The following GPR158 variants were observed in gnomAD, a reference collection of about 807,000 sequenced individuals.
GPR158 encodes metabotropic glycine receptor.
A neutral mutation model predicts 78.2 loss-of-function variants in GPR158; 30 were observed. That is an observed-to-expected ratio of 0.38 (90% CI 0.29 to 0.52). GPR158 has a LOEUF of 0.52. Among genes scored for constraint, GPR158 ranks in the 20% least tolerant of loss-of-function variants. The pLI, the probability that GPR158 is intolerant of heterozygous loss-of-function variation, is 0.83. For synonymous variants in GPR158, 581 were observed against 591.1 expected (o/e 0.98, Z 0.25); for missense variants, 1,463 against 1,523.5 (o/e 0.96, Z 0.66).
At chr10:25,490,643 T>A (rs1835795201) in intron 5 of GPR158, among the ~76,000 whole-genome samples, 1 of 150,574 alleles carries the variant, frequency 6.6e-6, no homozygotes, top group Admixed American at 6.7e-5. Flanking sequence ...TATGGCTGCA[T>A]AGTATTCCGT....
At position 25,590,258 on chromosome 10, in the gene GPR158, A is replaced by G. The variant is rs759019566; in HGVS notation, c.1892+1113A>G. Among the ~76,000 whole-genome samples, 6 of 152,262 alleles carry G rather than the reference A, an allele frequency of 3.9e-5. No individual in the cohort carries two copies. In the Middle Eastern group the frequency reaches 0.01, roughly 259 times the overall value. Reference sequence around the variant, plus strand: ...TTTTAAATAAGAAGAGGAGGTATCTATGGTCTGAGAACCCTGGAGACTCCA... The same window carrying G: ...TTTTAAATAAGAAGAGGAGGTATCTGTGGTCTGAGAACCCTGGAGACTCCA... On this transcript the variant is annotated intron_variant, in intron 8 of 10. Transcript: ENST00000376351.
At chr10:25,432,662 TTTATTGAAA>T (rs1168839414) in intron 4 of GPR158, among the ~76,000 whole-genome samples, 1 of 152,194 alleles carries the variant, frequency 6.6e-6, no homozygotes, top group African/African-American at 2.4e-5. Flanking sequence ...ATTTCCACCA[TTTATTGAAA>T]TTTTATTATG....
intron 5 of GPR158, among the ~76,000 whole-genome samples, chr10:25,482,320 A>G (rs979666931): frequency 6.6e-6 from 1 of 151,998 alleles, no homozygotes; most frequent in East Asian, 1.9e-4. Flanking sequence ...AGTAGCTGGA[A>G]CAATAGGTGT....
chr10:25,285,655 C>T (rs1854340453), intron 2 of GPR158, among the ~76,000 whole-genome samples: 1 of 152,140 alleles, frequency 6.6e-6, no homozygotes, highest in Admixed American at 6.6e-5. Flanking sequence ...TTGGATGGTA[C>T]TCACCCACTT....
At chr10:25,499,802 G>A (rs1321597554) in intron 5 of GPR158, among the ~76,000 whole-genome samples, 3 of 152,090 alleles carry the variant, frequency 2.0e-5, no homozygotes, top group South Asian at 2.1e-4. Context: ...GGAAAGCCTC[G>A]AGGCAGGATA....
At chr10:25,420,209 G>C (rs1237469491) in intron 4 of GPR158, among the ~76,000 whole-genome samples, 1 of 152,108 alleles carries the variant, frequency 6.6e-6, no homozygotes, top group African/African-American at 2.4e-5. Context: ...TAATGCAGTG[G>C]TATGATCATA....
At chr10:25,429,259 CT>C (rs1340758215) in intron 4 of GPR158, among the ~76,000 whole-genome samples, 1 of 152,088 alleles carries the variant, frequency 6.6e-6, no homozygotes, top group Non-Finnish European at 1.5e-5. Flanking sequence ...AAATGTAGCA[CT>C]TTCAATTCTT....
chr10:25,274,342 C>A (rs2130746313), intron 2 of GPR158, among the ~76,000 whole-genome samples: 1 of 152,090 alleles, frequency 6.6e-6, no homozygotes, highest in Non-Finnish European at 1.5e-5. Context: ...AGGTTTGATT[C>A]TAAAGTAAGC....
intron 2 of GPR158, among the ~76,000 whole-genome samples, chr10:25,369,306 G>A (rs1168367701): frequency 6.7e-6 from 1 of 150,292 alleles, no homozygotes; most frequent in Non-Finnish European, 1.5e-5. Flanking sequence ...CTGTGGGTTT[G>A]TCATAGATAG....
At chr10:25,271,508 A>G (rs538238358) in intron 2 of GPR158, among the ~76,000 whole-genome samples, 13 of 152,206 alleles carry the variant, frequency 8.5e-5, no homozygotes, top group East Asian at 1.9e-4. Context: ...TCTGTTTCCA[A>G]TTGTGCTCCT....
At chr10:25,237,632 A>T (rs144385280) in intron 2 of GPR158, among the ~76,000 whole-genome samples, 2 of 152,164 alleles carry the variant, frequency 1.3e-5, no homozygotes, top group Admixed American at 1.3e-4. Context: ...CTCATTCACC[A>T]TTGTCATGTA....
In GPR158 at chr10:25,296,785, G is replaced by A. The variant is rs187196376; in HGVS notation, c.1008+75628G>A. 3.4e-3 allele frequency among the ~76,000 whole-genome samples: 515 copies of A among 152,248 alleles called. 2 individuals are homozygous for A. The highest frequency in any genetic ancestry group is 0.011 in the African/African-American group (475 of 41,558). On this transcript the variant is annotated intron_variant, in intron 2 of 10. Transcript: ENST00000376351. Reference sequence around the variant, plus strand: ...TACAGTTGAGGAAAGTGACACAGAGGGGCCAAGTAACTTACCCACAGTTAC... The same window carrying A: ...TACAGTTGAGGAAAGTGACACAGAGAGGCCAAGTAACTTACCCACAGTTAC...
intron 2 of GPR158, among the ~76,000 whole-genome samples, chr10:25,342,290 C>T (rs1855314222): frequency 6.6e-6 from 1 of 151,322 alleles, no homozygotes; most frequent in African/African-American, 2.4e-5. Flanking sequence ...TCCATGTCTG[C>T]TGATAATCCC....
chr10:25,414,339 A>G (rs1402186668), intron 4 of GPR158, among the ~76,000 whole-genome samples: 1 of 152,180 alleles, frequency 6.6e-6, no homozygotes, highest in Non-Finnish European at 1.5e-5. Flanking sequence ...ACAGGACTAT[A>G]ATGAGAATAC....
intron 4 of GPR158, among the ~76,000 whole-genome samples, chr10:25,459,847 ATGG>A: frequency 6.6e-6 from 1 of 152,208 alleles, no homozygotes; most frequent in Non-Finnish European, 1.5e-5. Flanking sequence ...TTTTTTGTCT[ATGG>A]GTTTGATATC....
At chr10:25,571,503 G>C (rs1837007897) in intron 6 of GPR158, among the ~76,000 whole-genome samples, 1 of 152,266 alleles carries the variant, frequency 6.6e-6, no homozygotes, top group South Asian at 2.1e-4. Context: ...AAAGAATGAA[G>C]TGAAGGAGAG....
chr10:25,588,001 A>G (rs914489293), intron 7 of GPR158, among the ~76,000 whole-genome samples: 1 of 152,220 alleles, frequency 6.6e-6, no homozygotes, highest in Non-Finnish European at 1.5e-5. Context: ...TCTTCCAGAA[A>G]GGTCATGCCA....
At chr10:25,280,872 G>A (rs548792175) in intron 2 of GPR158, among the ~76,000 whole-genome samples, 117 of 152,104 alleles carry the variant, frequency 7.7e-4, no homozygotes, top group African/African-American at 2.6e-3. Context: ...GTGGTGGCTC[G>A]TGCCTATAAT....
intron 5 of GPR158, among the ~76,000 whole-genome samples, chr10:25,496,145 A>G (rs1835877807): frequency 6.6e-6 from 1 of 152,140 alleles, no homozygotes; most frequent in Non-Finnish European, 1.5e-5. Context: ...GTCCTCTATT[A>G]CACTTGTCCC....
Sources: gnomAD v4.1 joint callset for allele counts (sites outside exome capture counted in the v4.1 genomes callset) on GRCh38, gnomAD v4.1.1 for gene constraint, MANE v1.5 for transcripts, NCBI Gene and HGNC (gene_info 2026-07-23, HGNC 2026-07-21) for gene names.